SLC13A3: variants seen among roughly 807,000 people sequenced by gnomAD.
SLC13A3 encodes the protein solute carrier family 13 member 3.
In SLC13A3, 40 loss-of-function variants were observed where a neutral mutation model predicts 59.0. The ratio of observed to expected loss-of-function variants is 0.68; its 90% CI spans 0.53 to 0.88. The LOEUF (loss-of-function observed/expected upper bound fraction) is 0.88, where lower values mean the gene tolerates loss of function less well. Ranked by LOEUF, SLC13A3 falls within the 40% of genes least tolerant of loss-of-function variation. The probability of loss-of-function intolerance (pLI) is 0.00; values close to 1 mark genes in which losing one functional copy is unlikely to be tolerated. For synonymous variants in SLC13A3, 317 were observed against 330.3 expected (o/e 0.96, Z 0.44); for missense variants, 699 against 783.2 (o/e 0.89, Z 1.28).
chr20:46,579,163 G>T (rs1331611996), intron 9 of SLC13A3, among the ~76,000 whole-genome samples: 7 of 151,832 alleles, frequency 4.6e-5, no homozygotes, highest in Non-Finnish European at 7.4e-5. Flanking sequence ...TTGAGACAGG[G>T]TCTCACTCTG....
intron 3 of SLC13A3, among the ~76,000 whole-genome samples, chr20:46,603,047 G>A (rs576466998): frequency 6.6e-6 from 1 of 151,936 alleles, no homozygotes; most frequent in South Asian, 2.1e-4. Flanking sequence ...GCATGGTGGC[G>A]CATGCCTGTA....
intron 3 of SLC13A3, among the ~76,000 whole-genome samples, chr20:46,603,570 A>G (rs904391007): frequency 6.8e-6 from 1 of 146,458 alleles, no homozygotes; most frequent in African/African-American, 2.5e-5. Flanking sequence ...TTTTTTTGGT[A>G]AAAAAGAAGG....
Position 46,657,957 on chromosome 20 carries a change from G to A in SLC13A3, c.-31+12086C>T, listed in dbSNP as rs895953245. ...GGCCCCACCTCCAACATTAGGGATT[G>A]TATTTCAATATGAGATTTGGACAGG... is the stretch of plus-strand genomic sequence containing the variant. On this transcript the variant is annotated intron_variant, in intron 1 of 12. Coordinates refer to the SLC13A3 transcript ENST00000290317. Among the ~76,000 whole-genome samples the A allele has an allele frequency of 1.3e-5, 2 of 152,282 alleles. 1 individual carries two copies. Among genetic ancestry groups the A allele is most frequent in the African/African-American group, 4.8e-5 (2 of 41,546 alleles).
rs527579258 is a variant in SLC13A3, at chr20:46,649,649, G to A, written c.111+1662C>T. On this transcript the variant is annotated intron_variant, in intron 1 of 12. Transcript: ENST00000279027. The stretch of plus-strand genomic sequence containing the variant: ...TCTCACATCAATCCCAGAAGCTAGC[G>A]GTGTAATCGCTCCACTTACAGGGAA... Among the ~76,000 whole-genome samples the A allele has an allele frequency of 4.9e-4, 74 of 152,226 alleles. 1 individual carries two copies. The highest frequency in any genetic ancestry group is 3.9e-4 in the East Asian group (2 of 5,178).
chr20:46,602,319 G>A (rs1041525089), intron 3 of SLC13A3, among the ~76,000 whole-genome samples: 1 of 152,220 alleles, frequency 6.6e-6, no homozygotes, highest in African/African-American at 2.4e-5. Flanking sequence ...TTGGGTGACA[G>A]AGAAAGACCT....
intron 1 of SLC13A3, among the ~76,000 whole-genome samples, chr20:46,637,583 G>A (rs1385838815): frequency 6.6e-6 from 1 of 152,150 alleles, no homozygotes; most frequent in Non-Finnish European, 1.5e-5. Context: ...TCATTTGTAA[G>A]GCAAACAATA....
intron 1 of SLC13A3, among the ~76,000 whole-genome samples, chr20:46,667,289 A>G (rs868599503): frequency 2.6e-5 from 4 of 152,108 alleles, no homozygotes; most frequent in South Asian, 2.1e-4. Flanking sequence ...TGGAAAAGGT[A>G]TTTCTAGAGA....
chr20:46,587,277 A>G (rs1429745370), intron 8 of SLC13A3, among the ~76,000 whole-genome samples: 1 of 152,246 alleles, frequency 6.6e-6, no homozygotes, highest in African/African-American at 2.4e-5. Context: ...ACGTACTAGT[A>G]TAATATCATT....
chr20:46,631,159 G>A (rs1286566337), intron 1 of SLC13A3, among the ~76,000 whole-genome samples: 2 of 152,054 alleles, frequency 1.3e-5, no homozygotes, highest in African/African-American at 2.4e-5. Context: ...GTCCCCCAGG[G>A]GACACGTTTT....
intron 3 of SLC13A3, among the ~76,000 whole-genome samples, chr20:46,600,345 GAAAAGAAAGGAAAGGAAAGAA>G (rs2062365453): frequency 7.1e-6 from 1 of 140,066 alleles, no homozygotes; most frequent in African/African-American, 2.7e-5. Flanking sequence ...GGAAGGAAAG[GAAAAGAAAGGAAAGGAAAGAA>G]AAGGAAGGGA....
At chr20:46,669,356 TTGAC>T (rs1229321357) in intron 1 of SLC13A3, among the ~76,000 whole-genome samples, 2 of 150,746 alleles carry the variant, frequency 1.3e-5, no homozygotes, top group Non-Finnish European at 3.0e-5. Flanking sequence ...TCCCATACCA[TTGAC>T]TGAGCACTTA....
chr20:46,617,002 T>G (rs1037489795), intron 1 of SLC13A3, among the ~76,000 whole-genome samples: 1 of 152,236 alleles, frequency 6.6e-6, no homozygotes, highest in African/African-American at 2.4e-5. Flanking sequence ...TCCTGCTTCA[T>G]GTTCTTTTAT....
Position 46,566,213 on chromosome 20 carries a change from C to T in SLC13A3, c.1494+16G>A, listed in dbSNP as rs369617415. The T allele has an allele frequency of 3.3e-5, 53 of 1,609,124 alleles. No individual in the cohort carries two copies. The highest frequency in any genetic ancestry group is 4.5e-5 in the Non-Finnish European group (53 of 1,176,188). On this transcript the variant is annotated intron_variant, in intron 11 of 12. Coordinates refer to ENST00000279027, the MANE Select transcript of SLC13A3 (RefSeq NM_022829.6). ...TGGGGGAGGGGTGCTCCCCTCTTCC[C>T]CAGAAGGACCCTCACCAGCTCTGCC...
rs1397057463 is a variant in SLC13A3 at position 46,626,119 on chromosome 20, C to CTCTCTCTG, written c.112-12395_112-12394insCAGAGAGA. ...GTATTCTCTCTCTCTCTCTCTCTCTCTCTGTCTCTCTCTCTCTCTGTCTCT... is the reference window on the plus strand; with the variant it reads ...GTATTCTCTCTCTCTCTCTCTCTCTCTCTCTCTGTCTGTCTCTCTCTCTCTCTGTCTCT... On this transcript the variant is annotated intron_variant, in intron 1 of 12. Transcript: ENST00000279027. 8.7e-5 allele frequency among the ~76,000 whole-genome samples: 13 copies of CTCTCTCTG among 150,124 alleles called. 1 individual carries two copies. Among genetic ancestry groups the CTCTCTCTG allele is most frequent in the African/African-American group, 3.0e-4 (12 of 40,262 alleles).
chr20:46,628,778 C>A (rs1374571906), intron 1 of SLC13A3, among the ~76,000 whole-genome samples: 2 of 152,222 alleles, frequency 1.3e-5, no homozygotes, highest in African/African-American at 4.8e-5. Flanking sequence ...AGGTGCTCAA[C>A]AGCCACATGG....
At chr20:46,669,857 A>G (rs1209585835) in intron 1 of SLC13A3, among the ~76,000 whole-genome samples, 2 of 152,220 alleles carry the variant, frequency 1.3e-5, no homozygotes, top group African/African-American at 2.4e-5. Context: ...TATTGAGAGT[A>G]TTAAGTGCCT....
rs115771808 is a variant in SLC13A3 at position 46,604,590 on chromosome 20, C to T, written c.542-4553G>A. 6.6e-3 allele frequency among the ~76,000 whole-genome samples: 1,003 copies of T among 152,302 alleles called. 13 individuals are homozygous for T. Among genetic ancestry groups the T allele is most frequent in the African/African-American group, 0.023 (961 of 41,564 alleles). Reference sequence around the variant, plus strand: ...AGTCCCTTCCACACCACGGGCCGCTCTCGTGGTACACCGTTGGTACCATGA... The same window carrying T: ...AGTCCCTTCCACACCACGGGCCGCTTTCGTGGTACACCGTTGGTACCATGA... On this transcript the variant is annotated intron_variant, in intron 3 of 12. Transcript: ENST00000279027.
Position 46,563,515 on chromosome 20 carries a change from T to C in SLC13A3, c.1531A>G (p.Ile511Val). 6.2e-7 allele frequency: 1 copy of C among 1,613,662 alleles called. No homozygotes were observed. The highest frequency in any genetic ancestry group is 8.5e-7 in the Non-Finnish European group (1 of 1,179,948). Residue 511 changes from isoleucine to valine, a missense_variant, in exon 12 of 13, where the codon ATT (isoleucine) becomes GTT (valine). Physicochemically the swap from Ile to Val is conservative, Grantham distance 29. Coordinates refer to ENST00000279027, the MANE Select transcript of SLC13A3 (RefSeq NM_022829.6). The part of the protein sequence containing the change: ...RLRVHPLYLM[I>V]PGTVGCSFAF... ...AAGGAGCAGCCGACTGTGCCCGGAA[T>C]CATCAGATACAGGGGGTGCACTCTC...
chr20:46,619,848 C>T (rs2062597395), intron 1 of SLC13A3, among the ~76,000 whole-genome samples: 12 of 152,180 alleles, frequency 7.9e-5, no homozygotes. Flanking sequence ...ACTCGGTTCA[C>T]AGAAGAGCAG....
Sources: gnomAD v4.1 joint callset for allele counts (sites outside exome capture counted in the v4.1 genomes callset) on GRCh38, gnomAD v4.1.1 for gene constraint, MANE v1.5 for transcripts, NCBI Gene and HGNC (gene_info 2026-07-23, HGNC 2026-07-21) for gene names.